ROBO2: variants seen among roughly 807,000 people sequenced by gnomAD.
ROBO2 encodes the protein roundabout guidance receptor 2.
Under a neutral mutation model 160.8 loss-of-function variants are expected in ROBO2, and 53 were observed. The observed-to-expected ratio is 0.33, with a 90% confidence interval of 0.26 to 0.41. The LOEUF (loss-of-function observed/expected upper bound fraction) is 0.41. Among genes scored for constraint, ROBO2 ranks in the 10% least tolerant of loss-of-function variants. The probability of loss-of-function intolerance (pLI) is 1.00; values close to 1 mark genes in which losing one functional copy is unlikely to be tolerated. For synonymous variants in ROBO2, 664 were observed against 611.7 expected (o/e 1.09, Z -1.26); for missense variants, 1,577 against 1,722.4 (o/e 0.92, Z 1.49).
At chr3:76,698,873 G>A (rs3886916) in intron 2 of ROBO2, among the ~76,000 whole-genome samples, 2,363 of 152,200 alleles carry the variant, frequency 0.016, 58 homozygotes, top group African/African-American at 0.054. Flanking sequence ...TTTTGTACTT[G>A]TGATAAAAAT....
At chr3:77,547,660 G>C (rs1486330507) in intron 7 of ROBO2, among the ~76,000 whole-genome samples, 2 of 152,008 alleles carry the variant, frequency 1.3e-5, no homozygotes, top group Non-Finnish European at 2.9e-5. Flanking sequence ...AGTCTGGATG[G>C]ACAAATGGCC....
chr3:77,365,278 A>G (rs1029842157), intron 2 of ROBO2, among the ~76,000 whole-genome samples: 10 of 152,066 alleles, frequency 6.6e-5, no homozygotes, highest in African/African-American at 2.4e-4. Flanking sequence ...TCTTGACTGA[A>G]AGCTCCACTG....
intron 2 of ROBO2, among the ~76,000 whole-genome samples, chr3:76,919,817 A>G (rs992611989): frequency 2.6e-5 from 4 of 151,676 alleles, no homozygotes; most frequent in South Asian, 2.1e-4. Flanking sequence ...ACTTCTGATA[A>G]CTCCCTGATA....
chr3:77,098,037 T>A (rs2071337661), exon 2 of ROBO2: 1 of 1,578,574 alleles, frequency 6.3e-7, no homozygotes, highest in Non-Finnish European at 8.6e-7. Flanking sequence ...CCAGGAGGAC[T>A]TTCCCCCGCG....
At chr3:76,840,364 C>T (rs1276134103) in intron 2 of ROBO2, among the ~76,000 whole-genome samples, 1 of 151,638 alleles carries the variant, frequency 6.6e-6, no homozygotes, top group Non-Finnish European at 1.5e-5. Flanking sequence ...AATCCCAGCA[C>T]TTTGGGAGGC....
chr3:76,134,827 A>G (rs1471901719), intron 2 of ROBO2, among the ~76,000 whole-genome samples: 5 of 152,130 alleles, frequency 3.3e-5, no homozygotes, highest in Non-Finnish European at 2.9e-5. Flanking sequence ...AATAAAACCT[A>G]TTTATTTTTG....
intron 2 of ROBO2, among the ~76,000 whole-genome samples, chr3:75,989,367 C>T (rs2065502799): frequency 6.6e-6 from 1 of 152,106 alleles, no homozygotes; most frequent in Non-Finnish European, 1.5e-5. Flanking sequence ...CCACCTGCCT[C>T]AGCCTCCCAA....
chr3:77,220,225 T>A (rs1311230116), intron 2 of ROBO2, among the ~76,000 whole-genome samples: 2 of 152,126 alleles, frequency 1.3e-5, no homozygotes, highest in Non-Finnish European at 2.9e-5. Flanking sequence ...TTGTCCAGGC[T>A]GGTCTCGAAC....
At position 77,097,910 on chromosome 3, in the gene ROBO2, T is replaced by C. The variant is rs145932722; in HGVS notation, c.62-104T>C. The C allele has an allele frequency of 3.4e-5, 34 of 996,366 alleles. No individual in the cohort carries two copies. In the African/African-American group the frequency reaches 3.4e-4, roughly 10 times the overall value. 61.7% of individuals were successfully genotyped at this position (996,366 alleles called of 1,614,324 possible). On this transcript the variant is annotated intron_variant, in intron 1 of 25. Transcript: ENST00000461745. ...AAACGAAACATAAAATAATGTTCAG[T>C]TGGATAATCGAAGAGTTTAATTTCC...
chr3:77,302,231 C>G (rs1327284468), intron 2 of ROBO2, among the ~76,000 whole-genome samples: 1 of 151,842 alleles, frequency 6.6e-6, no homozygotes, highest in Non-Finnish European at 1.5e-5. Context: ...TTTGAGCCAC[C>G]AAACCTGACC....
At chr3:76,778,557 A>C (rs1323634315) in intron 2 of ROBO2, among the ~76,000 whole-genome samples, 1 of 151,166 alleles carries the variant, frequency 6.6e-6, no homozygotes, top group Middle Eastern at 3.2e-3. Context: ...TTATGGGCCC[A>C]TAAAAAATAA....
chr3:76,931,550 GACACATAC>G (rs1424879585), intron 2 of ROBO2, among the ~76,000 whole-genome samples: 4 of 150,608 alleles, frequency 2.7e-5, no homozygotes, highest in Admixed American at 1.3e-4. Context: ...TGCTTTATAA[GACACATAC>G]ACACACACAC....
At chr3:76,476,936 G>A (rs1392084294) in intron 2 of ROBO2, among the ~76,000 whole-genome samples, 2 of 152,204 alleles carry the variant, frequency 1.3e-5, no homozygotes, top group Non-Finnish European at 2.9e-5. Flanking sequence ...GAGTGGCATT[G>A]TTTGGTAGCC....
At chr3:76,335,586 T>A (rs532644953) in intron 2 of ROBO2, among the ~76,000 whole-genome samples, 1 of 151,898 alleles carries the variant, frequency 6.6e-6, no homozygotes, top group Non-Finnish European at 1.5e-5. Flanking sequence ...CCATAACTTT[T>A]TTTTTTTTTG....
At chr3:76,720,741 A>C (rs2107710618) in intron 2 of ROBO2, among the ~76,000 whole-genome samples, 1 of 152,358 alleles carries the variant, frequency 6.6e-6, no homozygotes, top group African/African-American at 2.4e-5. Flanking sequence ...CAATTAAAAT[A>C]GAGATTTAGG....
intron 1 of ROBO2, among the ~76,000 whole-genome samples, chr3:75,934,339 G>A (rs1014629275): frequency 2.6e-5 from 4 of 152,142 alleles, no homozygotes; most frequent in African/African-American, 9.7e-5. Flanking sequence ...ACATAAAGTA[G>A]GCATTTAATA....
At chr3:76,244,419 T>G (rs1705490825) in intron 2 of ROBO2, among the ~76,000 whole-genome samples, 1 of 152,154 alleles carries the variant, frequency 6.6e-6, no homozygotes, top group African/African-American at 2.4e-5. Context: ...GGACAGGAGG[T>G]TTGAACTGAA....
rs550922083 is a variant in ROBO2, at chr3:77,203,494, C to T, written c.388+105154C>T. 9.2e-5 allele frequency among the ~76,000 whole-genome samples: 14 copies of T among 152,178 alleles called. 1 individual carries two copies. The highest frequency in any genetic ancestry group is 6.5e-4 in the Admixed American group (10 of 15,288). ...TGAATAAGGAAGATTGATGTGTAACCGAGTTATCGGAAGCCAATGATGGTG... is the reference window on the plus strand; with the variant it reads ...TGAATAAGGAAGATTGATGTGTAACTGAGTTATCGGAAGCCAATGATGGTG... On this transcript the variant is annotated intron_variant, in intron 2 of 25. Coordinates refer to ENST00000461745, the Ensembl canonical transcript of ROBO2.
chr3:77,023,113 G>T (rs2062742959), intron 2 of ROBO2, among the ~76,000 whole-genome samples: 1 of 152,138 alleles, frequency 6.6e-6, no homozygotes, highest in Admixed American at 6.5e-5. Flanking sequence ...TTGTGGGAGG[G>T]ACCCAGGGGG....
Sources: gnomAD v4.1 joint callset for allele counts (sites outside exome capture counted in the v4.1 genomes callset) on GRCh38, gnomAD v4.1.1 for gene constraint, MANE v1.5 for transcripts, NCBI Gene and HGNC (gene_info 2026-07-23, HGNC 2026-07-21) for gene names.